DCLK1: variants seen among roughly 807,000 people sequenced by gnomAD.
DCLK1 encodes the protein doublecortin like kinase 1.
Under a neutral mutation model 86.2 loss-of-function variants are expected in DCLK1, and 16 were observed. The observed-to-expected ratio is 0.19, with a 90% CI of 0.13 to 0.28. The LOEUF (loss-of-function observed/expected upper bound fraction) is 0.28. Among genes scored for constraint, DCLK1 ranks in the 10% least tolerant of loss-of-function variants. DCLK1 has a pLI of 1.00. For synonymous variants in DCLK1, 369 were observed against 370.5 expected (o/e 1.00, Z 0.05); for missense variants, 590 against 940.2 (o/e 0.63, Z 4.87).
chr13:35,955,818 G>A lies in DCLK1; in HGVS notation c.724-8361C>T, dbSNP rs543726426. On this transcript the variant is annotated intron_variant, in intron 3 of 16. Transcript: ENST00000360631. ...GGCTTACAGAGAACACCAGGGATGA[G>A]CAGCTACTGCTGTCAGTGCTGATAC... Among the ~76,000 whole-genome samples the A allele has an allele frequency of 3.3e-5, 5 of 152,256 alleles. No homozygotes were observed. In the South Asian group the frequency reaches 1.0e-3, roughly 32 times the overall value.
chr13:35,768,872 C>A lies in DCLK1; in HGVS notation c.*5663G>T, dbSNP rs2086279171. The A allele has an allele frequency of 6.6e-6, 1 of 152,176 alleles. No individual in the cohort carries two copies. The highest frequency in any genetic ancestry group is 2.4e-5 in the African/African-American group (1 of 41,430). The allele number at this position is 152,176 out of a possible 1,614,324, so 9.4% of individuals were successfully genotyped here. On this transcript the variant is annotated 3_prime_UTR_variant, in exon 17 of 17. Transcript: ENST00000360631. The stretch of plus-strand genomic sequence containing the variant: ...CCCCTAAGAACACAGCTGGGCTATT[C>A]CTTCGTGAACTGAATGTGTCAATTG...
intron 3 of DCLK1, among the ~76,000 whole-genome samples, chr13:36,092,943 G>A (rs945620503): frequency 3.3e-5 from 5 of 150,302 alleles, no homozygotes; most frequent in Non-Finnish European, 7.4e-5. Context: ...CTGAATTTTA[G>A]AAGCTTGAAA....
intron 4 of DCLK1, among the ~76,000 whole-genome samples, chr13:35,875,604 T>C (rs897154770): frequency 2.6e-5 from 4 of 152,216 alleles, no homozygotes; most frequent in African/African-American, 7.2e-5. Flanking sequence ...TTTTGAAATA[T>C]TGGAAAAACT....
chr13:36,020,561 C>G (rs1026709498), intron 3 of DCLK1, among the ~76,000 whole-genome samples: 2 of 151,922 alleles, frequency 1.3e-5, no homozygotes, highest in African/African-American at 4.8e-5. Flanking sequence ...ATTATCCAGT[C>G]TGAAGAACGA....
At chr13:35,867,848 G>GAAGAAAGA (rs746034864) in intron 5 of DCLK1, among the ~76,000 whole-genome samples, 1 of 126,150 alleles carries the variant, frequency 7.9e-6, no homozygotes, top group Non-Finnish European at 1.7e-5. Flanking sequence ...CTTAAAGGGA[G>GAAGAAAGA]AAGAAAGAAA....
intron 3 of DCLK1, among the ~76,000 whole-genome samples, chr13:35,978,458 G>T (rs1879467893): frequency 6.6e-6 from 1 of 151,812 alleles, no homozygotes; most frequent in African/African-American, 2.4e-5. Context: ...CACCCACCTT[G>T]GCCTCCCAAA....
At chr13:35,992,072 T>C (rs12428085) in intron 3 of DCLK1, among the ~76,000 whole-genome samples, 55,000 of 152,088 alleles carry the variant, frequency 0.36, 11,079 homozygotes, top group Admixed American at 0.44. Flanking sequence ...AGTCCCAAGC[T>C]AACTGATAAT....
At chr13:36,014,495 T>A (rs1289233947) in intron 3 of DCLK1, among the ~76,000 whole-genome samples, 3 of 152,186 alleles carry the variant, frequency 2.0e-5, no homozygotes, top group Non-Finnish European at 4.4e-5. Context: ...CCTATGACTG[T>A]CACCTAACAA....
chr13:36,044,415 C>T (rs1882801804), intron 3 of DCLK1, among the ~76,000 whole-genome samples: 1 of 152,064 alleles, frequency 6.6e-6, no homozygotes, highest in East Asian at 1.9e-4. Context: ...GATGACTGTA[C>T]AGAAAGCAAA....
intron 4 of DCLK1, among the ~76,000 whole-genome samples, chr13:35,930,023 G>A (rs1427623701): frequency 6.6e-6 from 1 of 152,030 alleles, no homozygotes; most frequent in Non-Finnish European, 1.5e-5. Context: ...TATAAAGACA[G>A]CCTATATACA....
At chr13:35,924,817 T>C (rs1876021006) in intron 4 of DCLK1, among the ~76,000 whole-genome samples, 1 of 152,188 alleles carries the variant, frequency 6.6e-6, no homozygotes, top group Non-Finnish European at 1.5e-5. Context: ...CAGCTAACTA[T>C]AGCCTGAAAG....
intron 3 of DCLK1, among the ~76,000 whole-genome samples, chr13:36,065,217 C>T (rs1451250896): frequency 6.6e-6 from 1 of 152,160 alleles, no homozygotes; most frequent in Non-Finnish European, 1.5e-5. Flanking sequence ...CCTCTGAGTG[C>T]CTCCATTTAT....
chr13:36,074,357 C>T (rs1267031026), intron 3 of DCLK1, among the ~76,000 whole-genome samples: 1 of 151,460 alleles, frequency 6.6e-6, no homozygotes, highest in African/African-American at 2.4e-5. Flanking sequence ...AAAAAATTAG[C>T]AGGGCGAGGT....
chr13:35,963,006 T>G (rs1878539741), intron 3 of DCLK1, among the ~76,000 whole-genome samples: 1 of 152,212 alleles, frequency 6.6e-6, no homozygotes, highest in Admixed American at 6.5e-5. Context: ...CCTCCTTGAC[T>G]TCTAAGATAG....
chr13:36,110,827 A>ATTT (rs869131031), intron 3 of DCLK1, among the ~76,000 whole-genome samples: 40 of 120,134 alleles, frequency 3.3e-4, no homozygotes, highest in Admixed American at 8.5e-4. Flanking sequence ...CATATAATCA[A>ATTT]TTTTTTTTTT....
chr13:35,909,658 AG>A (rs1015068857), intron 4 of DCLK1, among the ~76,000 whole-genome samples: 1 of 150,606 alleles, frequency 6.6e-6, no homozygotes, highest in Non-Finnish European at 1.5e-5. Flanking sequence ...TTTTCTACAA[AG>A]GAAAAAAAGT....
At chr13:35,796,332 G>A (rs147752897) in intron 15 of DCLK1, among the ~76,000 whole-genome samples, 76 of 152,290 alleles carry the variant, frequency 5.0e-4, no homozygotes, top group African/African-American at 1.5e-3. Context: ...AGAAACTTGA[G>A]CATAATTGTG....
chr13:36,047,431 C>G (rs1475257851), intron 3 of DCLK1, among the ~76,000 whole-genome samples: 1 of 152,070 alleles, frequency 6.6e-6, no homozygotes, highest in Non-Finnish European at 1.5e-5. Context: ...ATCTAAGTGT[C>G]AATCAATGGA....
chr13:36,048,235 CT>C (rs1272824748), intron 3 of DCLK1, among the ~76,000 whole-genome samples: 1 of 152,088 alleles, frequency 6.6e-6, no homozygotes, highest in Non-Finnish European at 1.5e-5. Flanking sequence ...AACTGGAAAC[CT>C]TTCACTAGGG....
Sources: gnomAD v4.1 joint callset for allele counts (sites outside exome capture counted in the v4.1 genomes callset) on GRCh38, gnomAD v4.1.1 for gene constraint, MANE v1.5 for transcripts, NCBI Gene and HGNC (gene_info 2026-07-23, HGNC 2026-07-21) for gene names.